Variants in OTOP1 observed in about 807,000 individuals in gnomAD.
OTOP1 encodes proton channel OTOP1.
Under a neutral mutation model 52.9 loss-of-function variants are expected in OTOP1, and 59 were observed. The observed-to-expected ratio is 1.12, with a 90% CI of 0.91 to 1.39. The LOEUF is 1.39. OTOP1 is among the 40% of genes most tolerant of loss of function. The pLI is 0.00. For synonymous variants in OTOP1, 317 were observed against 337.7 expected (o/e 0.94, Z 0.67); for missense variants, 761 against 800.9 (o/e 0.95, Z 0.60).
chr4:4,196,557 CA>C (rs1217121430), intron 5 of OTOP1, among the ~76,000 whole-genome samples: 1 of 151,868 alleles, frequency 6.6e-6, no homozygotes, highest in Admixed American at 6.6e-5. Context: ...AACTCTGTCT[CA>C]AAAAAAGAGA....
chr4:4,205,802 T>G (rs1716893361), intron 3 of OTOP1, among the ~76,000 whole-genome samples: 1 of 152,214 alleles, frequency 6.6e-6, no homozygotes, highest in Non-Finnish European at 1.5e-5. Context: ...ATTTTATAGA[T>G]GAGGCAACTG....
rs1410385984 is a variant in OTOP1, at chr4:4,191,126, G to A, written c.1669-2153C>T. Among the ~76,000 whole-genome samples the A allele has an allele frequency of 1.1e-4, 17 of 152,016 alleles. No homozygotes were observed. In the South Asian group the frequency reaches 1.5e-3, roughly 13 times the overall value. On this transcript the variant is annotated intron_variant, in intron 5 of 5. Transcript: ENST00000296358. ...ACGTCGTCCTCCCAGGTGGTCCATC[G>A]AGGCTCCAGGTGTCATCCTTATCTC...
rs1374406700 is a variant in OTOP1, at chr4:4,202,539, C to T, written c.639G>A (p.Leu213=). 1 of 1,614,076 alleles carries T rather than the reference C, an allele frequency of 6.2e-7. No individual in the cohort carries two copies. The highest frequency in any genetic ancestry group is 2.2e-5 in the East Asian group (1 of 44,872). ...VIHSVFTNLL[L]WANGVLNESK... ...ACTCATTGAGGACGCCATTGGCCCA[C>T]AGAAGCAGGTTGGTGAACACCGAGT... is the stretch of plus-strand genomic sequence containing the variant. The change falls in exon 4 of 6, where the codon CTG becomes CTA. Residue 213 remains leucine, a synonymous_variant. Transcript: ENST00000296358.
intron 1 of OTOP1, 62 bp downstream of exon 1, chr4:4,226,400 G>A: frequency 7.3e-7 from 1 of 1,360,898 alleles, no homozygotes; most frequent in South Asian, 1.6e-5. Flanking sequence ...GCGCAGAGCA[G>A]CCTCAGGATG....
At chr4:4,214,625 A>C (rs1034723746) in intron 1 of OTOP1, among the ~76,000 whole-genome samples, 1 of 152,268 alleles carries the variant, frequency 6.6e-6, no homozygotes, top group Non-Finnish European at 1.5e-5. Flanking sequence ...CAGTTTAAAA[A>C]GGAAAGAAAT....
chr4:4,188,752 G>C lies in OTOP1; in HGVS notation c.*51C>G, dbSNP rs772058679. On this transcript the variant is annotated 3_prime_UTR_variant, in exon 6 of 6. Coordinates refer to ENST00000296358, the MANE Select transcript of OTOP1 (RefSeq NM_177998.3). ...TTGCCCAACCTGGCCACTCCTAGTT[G>C]GCTCCAATGAACTCTTGTTAGCTCA... 2.0e-6 allele frequency: 3 copies of C among 1,502,562 alleles called. No homozygotes were observed. The highest frequency in any genetic ancestry group is 2.8e-5 in the African/African-American group (2 of 71,060). 93.1% of individuals were successfully genotyped at this position (1,502,562 alleles called of 1,614,324 possible). A position where few individuals can be genotyped will look rare whatever the true frequency, so the allele number is the denominator to read the frequency against.
At chr4:4,205,064 G>A (rs903072587) in intron 3 of OTOP1, among the ~76,000 whole-genome samples, 6 of 152,144 alleles carry the variant, frequency 3.9e-5, no homozygotes, top group Admixed American at 6.5e-5. Flanking sequence ...GAGCCACCGC[G>A]CCCAGTCCTA....
Position 4,197,907 on chromosome 4 carries a change from A to G in OTOP1, c.927T>C (p.Asp309=). The G allele has an allele frequency of 1.2e-6, 2 of 1,613,682 alleles. No individual in the cohort carries two copies. Among genetic ancestry groups the G allele is most frequent in the Non-Finnish European group, 1.7e-6 (2 of 1,179,932 alleles). ...HQHQKMQFKS[D]GVMVGAVLGL... ...CCAGGACTGCGCCCACCATGACCCC[A>G]TCAGACTTGAACTGCATCTTCTGGT... The change falls in exon 5 of 6, where the codon GAT becomes GAC. Residue 309 remains aspartate, a synonymous_variant. Transcript: ENST00000296358.
chr4:4,189,078 G>A (rs1448901692), intron 5 of OTOP1, 105 bp from the exon 6 acceptor site: 4 of 1,027,202 alleles, frequency 3.9e-6, no homozygotes, highest in African/African-American at 3.2e-5. Context: ...TAATGCACAG[G>A]GACTGAGTCA....
chr4:4,220,067 A>ATGTATATATG (rs1336018187), intron 1 of OTOP1, among the ~76,000 whole-genome samples: 1 of 129,034 alleles, frequency 7.7e-6, no homozygotes, highest in Non-Finnish European at 1.6e-5. Flanking sequence ...GTGTATATAC[A>ATGTATATATG]TATATATGTA....
intron 4 of OTOP1, among the ~76,000 whole-genome samples, chr4:4,201,403 G>A (rs1716783127): frequency 6.6e-6 from 1 of 151,280 alleles, no homozygotes; most frequent in African/African-American, 2.4e-5. Flanking sequence ...CTCCAGCTTA[G>A]GCAACAGAGT....
At chr4:4,202,011 C>T (rs1442805094) in intron 4 of OTOP1, among the ~76,000 whole-genome samples, 1 of 152,160 alleles carries the variant, frequency 6.6e-6, no homozygotes, top group African/African-American at 2.4e-5. Context: ...TTTAAATGAA[C>T]TACAGCCCAT....
intron 5 of OTOP1, among the ~76,000 whole-genome samples, chr4:4,192,191 G>A (rs1201290389): frequency 6.6e-6 from 1 of 152,144 alleles, no homozygotes; most frequent in Non-Finnish European, 1.5e-5. Flanking sequence ...GGTTGGCTCT[G>A]GGGCCCTGAA....
intron 2 of OTOP1, among the ~76,000 whole-genome samples, chr4:4,211,891 A>G (rs953916725): frequency 6.6e-6 from 1 of 152,234 alleles, no homozygotes; most frequent in African/African-American, 2.4e-5. Flanking sequence ...ATAATTCTAG[A>G]GACGTAATGG....
chr4:4,204,101 C>T (rs1716847017), intron 3 of OTOP1, among the ~76,000 whole-genome samples: 1 of 152,214 alleles, frequency 6.6e-6, no homozygotes, highest in Admixed American at 6.5e-5. Flanking sequence ...TTGACCCTGC[C>T]TCTCCTCTCG....
chr4:4,188,894 C>G lies in OTOP1; in HGVS notation c.1748G>C (p.Trp583Ser). ...CATGGCCAGGTTGACCACAATTATC[C>G]AGGGTTCAAAGCCAAAGACAATCTC... Reference protein sequence around the residue: ...LEEIVFGFEPWIIVVNLAMPF... With the variant: ...LEEIVFGFEPSIIVVNLAMPF... Residue 583 changes from tryptophan to serine, a missense_variant, in exon 6 of 6, where the codon TGG becomes TCG. Transcript: ENST00000296358. 1 of 1,613,840 alleles carries G rather than the reference C, an allele frequency of 6.2e-7. No individual in the cohort carries two copies. The highest frequency in any genetic ancestry group is 8.5e-7 in the Non-Finnish European group (1 of 1,179,804).
intron 2 of OTOP1, among the ~76,000 whole-genome samples, chr4:4,207,184 A>T (rs1716923155): frequency 8.3e-6 from 1 of 120,520 alleles, no homozygotes; most frequent in African/African-American, 3.4e-5. Context: ...TCTTGAAACA[A>T]CCAATAATAA....
At chr4:4,225,919 G>T (rs1456096313) in intron 1 of OTOP1, among the ~76,000 whole-genome samples, 1 of 152,220 alleles carries the variant, frequency 6.6e-6, no homozygotes, top group African/African-American at 2.4e-5. Context: ...GGAGAATGGG[G>T]TGAGGCCTGA....
chr4:4,222,689 C>T (rs566277808), intron 1 of OTOP1, among the ~76,000 whole-genome samples: 36 of 152,318 alleles, frequency 2.4e-4, no homozygotes, highest in African/African-American at 8.2e-4. Context: ...TCTTGGGGAT[C>T]ACTGCTCTTT....
Sources: gnomAD v4.1 joint callset for allele counts (sites outside exome capture counted in the v4.1 genomes callset) on GRCh38, gnomAD v4.1.1 for gene constraint, MANE v1.5 for transcripts, NCBI Gene and HGNC (gene_info 2026-07-23, HGNC 2026-07-21) for gene names.